The following MYH11 variants were observed in gnomAD, a reference collection of about 807,000 sequenced individuals.
MYH11 encodes the protein myosin heavy chain 11.
A neutral mutation model predicts 246.6 loss-of-function variants in MYH11; 80 were observed. The ratio of observed to expected loss-of-function variants is 0.32; its 90% CI spans 0.27 to 0.39. The LOEUF (loss-of-function observed/expected upper bound fraction) is 0.39, where lower values mean the gene tolerates loss of function less well. Among genes scored for constraint, MYH11 ranks in the 10% least tolerant of loss-of-function variants. The pLI is 1.00. For synonymous variants in MYH11, 1,071 were observed against 1,015.5 expected (o/e 1.05, Z -1.04); for missense variants, 2,158 against 2,546.8 (o/e 0.85, Z 3.29).
Position 15,756,525 on chromosome 16 carries a change from C to A in MYH11, c.1576-11G>T. On this transcript the variant is annotated splice_polypyrimidine_tract_variant and intron_variant, in intron 13 of 40. Coordinates refer to ENST00000300036, the MANE Select transcript of MYH11 (RefSeq NM_002474.3). ...ACCTGGAGGGTTGTTCTGTGGGAGA[C>A]AAGTAGGGCTTGAATCAGAGAGAAC... 6.2e-7 allele frequency: 1 copy of A among 1,614,136 alleles called. No homozygotes were observed. Among genetic ancestry groups the A allele is most frequent in the South Asian group, 1.1e-5 (1 of 91,082 alleles).
At chr16:15,852,320 G>T (rs543325939) in intron 1 of MYH11, among the ~76,000 whole-genome samples, 1 of 145,066 alleles carries the variant, frequency 6.9e-6, no homozygotes, top group East Asian at 2.0e-4. Flanking sequence ...GCAACAAGTT[G>T]CAATTTGCAA....
chr16:15,781,997 T>C (rs989399993), intron 6 of MYH11, among the ~76,000 whole-genome samples: 2 of 152,186 alleles, frequency 1.3e-5, no homozygotes, highest in African/African-American at 4.8e-5. Context: ...TAAAATGGTA[T>C]CGGATATAAG....
At chr16:15,723,068 CCT>C (rs1344913332) in intron 31 of MYH11, among the ~76,000 whole-genome samples, 1 of 152,018 alleles carries the variant, frequency 6.6e-6, no homozygotes, top group African/African-American at 2.4e-5. Flanking sequence ...TTAGAATAAC[CCT>C]GAGTCACTTG....
intron 2 of MYH11, among the ~76,000 whole-genome samples, chr16:15,833,134 CA>C (rs1379429447): frequency 2.0e-5 from 3 of 150,654 alleles, no homozygotes; most frequent in African/African-American, 7.3e-5. Flanking sequence ...CCACCTCTAC[CA>C]AAAACACAAA....
At chr16:15,803,610 A>G (rs9929067) in intron 3 of MYH11, among the ~76,000 whole-genome samples, 75,957 of 152,074 alleles carry the variant, frequency 0.5, 22,435 homozygotes, top group African/African-American at 0.84. Context: ...TAGAACCCAG[A>G]CAGAGAGAAC....
Position 15,756,400 on chromosome 16 carries a change from G to C in MYH11, c.1690C>G (p.Gln564Glu). ...TTGTCCTTGAGCTGCTTGGGCTTCTGGAACTTGGGGTGGCTGCCCTGCTCC... is the reference window on the plus strand; with the variant it reads ...TTGTCCTTGAGCTGCTTGGGCTTCTCGAACTTGGGGTGGCTGCCCTGCTCC... ...CTEQGSHPKF[Q>E]KPKQLKDKTE... Residue 564 changes from glutamine to glutamate, a missense_variant, in exon 14 of 41, where the codon CAG (glutamine) becomes GAG (glutamate). Gln to Glu is a conservative substitution (Grantham distance 29). This residue lies in a region of MYH11 where 317 missense variants were observed against 507.7 expected (regional missense o/e 0.62). Coordinates refer to ENST00000300036, the MANE Select transcript of MYH11 (RefSeq NM_002474.3). The C allele has an allele frequency of 6.2e-6, 10 of 1,614,136 alleles. No homozygotes were observed. Among genetic ancestry groups the C allele is most frequent in the Non-Finnish European group, 8.5e-6 (10 of 1,180,036 alleles).
At chr16:15,797,464 T>A (rs2042768253) in intron 4 of MYH11, among the ~76,000 whole-genome samples, 1 of 151,660 alleles carries the variant, frequency 6.6e-6, no homozygotes. Flanking sequence ...CTCTTTGTAG[T>A]GGCTACCTGG....
chr16:15,757,769 A>T, intron 13 of MYH11, 58 bp downstream of exon 13: 1 of 1,611,070 alleles, frequency 6.2e-7, no homozygotes, highest in Non-Finnish European at 8.5e-7. Flanking sequence ...TCGGCTCCAC[A>T]GAGGCCACAC....
chr16:15,833,197 A>G (rs989443277), intron 2 of MYH11, among the ~76,000 whole-genome samples: 2 of 151,376 alleles, frequency 1.3e-5, no homozygotes, highest in Admixed American at 1.3e-4. Flanking sequence ...TACTAAGGAG[A>G]CTGAGATAGG....
At chr16:15,831,403 G>C (rs973174234) in intron 2 of MYH11, among the ~76,000 whole-genome samples, 15 of 151,636 alleles carry the variant, frequency 9.9e-5, no homozygotes, top group African/African-American at 3.6e-4. Context: ...ATAAGGTAGG[G>C]TTAAGTGGAA....
chr16:15,840,156 A>G (rs1458447689), intron 1 of MYH11, among the ~76,000 whole-genome samples: 1 of 152,232 alleles, frequency 6.6e-6, no homozygotes, highest in Non-Finnish European at 1.5e-5. Context: ...TCGGGGTGAT[A>G]AAAGTATTCC....
intron 19 of MYH11, among the ~76,000 whole-genome samples, chr16:15,747,089 C>G (rs528805586): frequency 6.6e-6 from 1 of 151,458 alleles, no homozygotes; most frequent in Non-Finnish European, 1.5e-5. Context: ...GAGAGAGACT[C>G]TGTCTCAAAA....
At chr16:15,749,659 T>C (rs2041512130) in intron 16 of MYH11, 2 of 201,938 alleles carry the variant, frequency 9.9e-6, no homozygotes, top group South Asian at 1.0e-4. Context: ...ATCCTGTGCA[T>C]TGTACAATGC....
At chr16:15,777,616 C>G (rs892139387) in intron 7 of MYH11, among the ~76,000 whole-genome samples, 1 of 152,140 alleles carries the variant, frequency 6.6e-6, no homozygotes, top group Non-Finnish European at 1.5e-5. Flanking sequence ...TGGCTCTGGA[C>G]TTGACCGAAG....
chr16:15,773,493 C>G (rs1446602438), intron 8 of MYH11, among the ~76,000 whole-genome samples: 1 of 151,944 alleles, frequency 6.6e-6, no homozygotes, highest in Non-Finnish European at 1.5e-5. Flanking sequence ...ATCATGTTGG[C>G]TAGTCTAGTC....
intron 3 of MYH11, among the ~76,000 whole-genome samples, chr16:15,808,825 C>T (rs370477919): frequency 2.0e-5 from 3 of 152,152 alleles, no homozygotes; most frequent in Non-Finnish European, 2.9e-5. Context: ...CCTAGGAGTT[C>T]GAGGTTACAG....
intron 7 of MYH11, 140 bp downstream of exon 7, chr16:15,778,640 G>A (rs774363201): frequency 3.4e-6 from 3 of 873,256 alleles, no homozygotes; most frequent in Non-Finnish European, 5.8e-6. Flanking sequence ...CACAATGCCT[G>A]CTGTTAAGGG....
At chr16:15,726,545 A>T in intron 28 of MYH11, 2 of 461,990 alleles carry the variant, frequency 4.3e-6, no homozygotes, top group Non-Finnish European at 8.0e-6. Flanking sequence ...TAATTTTTGT[A>T]TTTTTAGTAG....
intron 3 of MYH11, among the ~76,000 whole-genome samples, chr16:15,806,824 T>C (rs1314723216): frequency 6.6e-6 from 1 of 152,040 alleles, no homozygotes; most frequent in Non-Finnish European, 1.5e-5. Flanking sequence ...GCTTGTTATT[T>C]TGAATTGCTC....
Sources: gnomAD v4.1 joint callset for allele counts (sites outside exome capture counted in the v4.1 genomes callset) on GRCh38, gnomAD v4.1.1 for gene constraint, gnomAD v4.1.1 regional missense constraint, MANE v1.5 for transcripts, NCBI Gene and HGNC (gene_info 2026-07-23, HGNC 2026-07-21) for gene names.